The following WLS variants were observed in gnomAD, a reference collection of about 807,000 sequenced individuals.
WLS encodes the protein protein wntless homolog.
Under a neutral mutation model 62.8 loss-of-function variants are expected in WLS, and 23 were observed. The ratio of observed to expected loss-of-function variants is 0.37; its 90% CI spans 0.26 to 0.52. The LOEUF (loss-of-function observed/expected upper bound fraction) is 0.52, where lower values mean the gene tolerates loss of function less well. WLS is among the 20% of genes least tolerant of loss of function. The probability of loss-of-function intolerance (pLI) is 0.92; values close to 1 mark genes in which losing one functional copy is unlikely to be tolerated. For missense variants in WLS, 615 were observed against 697.3 expected (o/e 0.88, Z 1.33); for synonymous variants, 246 against 244.1 (o/e 1.01, Z -0.07).
chr1:68,160,071 CTTTT>C (rs58448910), intron 2 of WLS, among the ~76,000 whole-genome samples: 55 of 93,570 alleles, frequency 5.9e-4, no homozygotes, highest in African/African-American at 1.9e-3. Context: ...GCAGAGAAGT[CTTTT>C]TTTTTTTTTT....
chr1:68,159,132 T>C lies in WLS; in HGVS notation c.495A>G (p.Thr165=), dbSNP rs757881798. ...CAGCAAGGGGTCATACCTTGGGAGATGTGAAGGTGCATTTGAGTTTCCGTG... is the reference window on the plus strand; with the variant it reads ...CAGCAAGGGGTCATACCTTGGGAGACGTGAAGGTGCATTTGAGTTTCCGTG... The part of the protein sequence containing the change: ...RVPRKLKCTF[T]SPKTPEHEGR... The change falls in exon 3 of 12, where the codon ACA becomes ACG. Residue 165 remains threonine (T), a synonymous_variant. Transcript: ENST00000262348. The C allele has an allele frequency of 2.3e-5, 37 of 1,614,088 alleles. No homozygotes were observed. The Middle Eastern group carries it at 6.6e-4, about 29-fold the overall frequency.
intron 2 of WLS, chr1:68,162,593 G>T: frequency 7.0e-7 from 1 of 1,435,188 alleles, no homozygotes; most frequent in Non-Finnish European, 9.8e-7. Context: ...TCGCGGTTCT[G>T]CTCCATGCTC....
intron 2 of WLS, among the ~76,000 whole-genome samples, chr1:68,179,452 G>T (rs1464947620): frequency 6.6e-6 from 1 of 152,108 alleles, no homozygotes; most frequent in Non-Finnish European, 1.5e-5. Context: ...TGGGAGACTG[G>T]CAAATCATGT....
intron 11 of WLS, among the ~76,000 whole-genome samples, chr1:68,128,157 GCACATC>G (rs1646463721): frequency 6.6e-6 from 1 of 152,136 alleles, no homozygotes; most frequent in Admixed American, 6.5e-5. Context: ...CCAGCCTCCA[GCACATC>G]CACATTCATC....
chr1:68,161,777 G>A (rs1570920718), intron 2 of WLS: 2 of 1,601,186 alleles, frequency 1.2e-6, no homozygotes. Context: ...GAGTGCTCTC[G>A]ATTGTCCCCG....
intron 1 of WLS, among the ~76,000 whole-genome samples, chr1:68,225,493 G>A (rs1650106397): frequency 6.6e-6 from 1 of 152,120 alleles, no homozygotes; most frequent in African/African-American, 2.4e-5. Context: ...ATCATTTCGT[G>A]TCTTGATGCT....
At position 68,144,644 on chromosome 1, in the gene WLS, A is replaced by T. The variant is rs767910037; in HGVS notation, c.1287T>A (p.Ile429=). 6.2e-7 allele frequency: 1 copy of T among 1,613,442 alleles called. No individual in the cohort carries two copies. Among genetic ancestry groups the T allele is most frequent in the Non-Finnish European group, 8.5e-7 (1 of 1,179,534 alleles). ...KVRRLHYEGL[I]FRFKFLMLIT... ...TAAGCATGAGGAACTTGAACCTAAA[A>T]ATTAGCCCCTATTAGAAAAGAAAGA... Residue 429 remains isoleucine, a synonymous_variant, in exon 10 of 12, where the codon ATT becomes ATA. Coordinates refer to ENST00000262348, the MANE Select transcript of WLS (RefSeq NM_024911.7).
intron 2 of WLS, chr1:68,186,524 C>G (rs997380933): frequency 2.6e-5 from 11 of 428,270 alleles, no homozygotes; most frequent in African/African-American, 1.9e-4. Context: ...ATGGATTGGT[C>G]TTGACTTTTC....
intron 1 of WLS, chr1:68,231,735 C>G: frequency 2.2e-6 from 1 of 463,944 alleles, no homozygotes; most frequent in Middle Eastern, 3.2e-4. Flanking sequence ...AACAGAGCTC[C>G]GGGTTTGCGC....
chr1:68,161,613 A>C, intron 2 of WLS: 2 of 670,826 alleles, frequency 3.0e-6, no homozygotes, highest in South Asian at 4.0e-5. Flanking sequence ...TAGCTCTTGT[A>C]GTTTTAACAC....
chr1:68,109,528 G>T (rs76302633), intron 11 of WLS, among the ~76,000 whole-genome samples: 2,072 of 152,242 alleles, frequency 0.014, 27 homozygotes, highest in Non-Finnish European at 0.022. Flanking sequence ...TGAAGTCACA[G>T]AAATAGGCAT....
intron 11 of WLS, among the ~76,000 whole-genome samples, chr1:68,133,617 T>A (rs1646563129): frequency 6.6e-6 from 1 of 152,220 alleles, no homozygotes; most frequent in Admixed American, 6.5e-5. Flanking sequence ...TTCTGATCCA[T>A]ACTATGAAAG....
At chr1:68,121,088 A>G (rs1646359010), downstream of WLS, 1 of 152,188 alleles carries the variant, frequency 6.6e-6, no homozygotes, top group African/African-American at 2.4e-5. Context: ...AAAAGTAAGA[A>G]GTGAGTATTT....
Position 68,145,926 on chromosome 1 carries a change from G to A in WLS, c.1221C>T (p.Ile407=). The part of the protein sequence containing the change: ...CFMVFQVFRN[I]SGKQSSLPAM... Reference sequence around the variant, plus strand: ...CTGGCAGGCTGGACTGCTTCCCACTGATGTTCCGAAACACCTGAAATACCA... The same window carrying A: ...CTGGCAGGCTGGACTGCTTCCCACTAATGTTCCGAAACACCTGAAATACCA... Residue 407 remains isoleucine (I), a synonymous_variant, in exon 9 of 12, where the codon ATC becomes ATT. Transcript: ENST00000262348. 6.2e-7 allele frequency: 1 copy of A among 1,614,140 alleles called. No individual in the cohort carries two copies. Among genetic ancestry groups the A allele is most frequent in the Non-Finnish European group, 8.5e-7 (1 of 1,180,038 alleles).
chr1:68,152,005 C>G (rs150269317), intron 5 of WLS, among the ~76,000 whole-genome samples: 1 of 152,200 alleles, frequency 6.6e-6, no homozygotes, highest in African/African-American at 2.4e-5. Flanking sequence ...AGGGTGGCAG[C>G]AGTGGAATTG....
At chr1:68,220,632 G>C in intron 1 of WLS, among the ~76,000 whole-genome samples, 1 of 152,214 alleles carries the variant, frequency 6.6e-6, no homozygotes, top group East Asian at 1.9e-4. Context: ...GAGAGATCAA[G>C]TTTCTCAAGG....
intron 1 of WLS, among the ~76,000 whole-genome samples, chr1:68,228,889 T>G (rs1391060392): frequency 1.8e-5 from 2 of 109,020 alleles, no homozygotes; most frequent in Admixed American, 1.0e-4. Flanking sequence ...AAAAATGTGT[T>G]TTTTTTTGTT....
At chr1:68,211,622 A>G (rs2772288) in intron 1 of WLS, among the ~76,000 whole-genome samples, 152,316 of 152,354 alleles carry the variant, frequency 1, 76,139 homozygotes, top group Middle Eastern at 1. Context: ...TGGATTTTCC[A>G]TTCAGTGATT....
intron 2 of WLS, among the ~76,000 whole-genome samples, chr1:68,193,647 G>A (rs1033362156): frequency 5.1e-4 from 78 of 152,198 alleles, no homozygotes; most frequent in African/African-American, 1.8e-3. Flanking sequence ...GTGAAGCTTG[G>A]TGGTTAGGGC....
Sources: allele counts gnomAD v4.1 joint callset (sites outside exome capture counted in the v4.1 genomes callset), GRCh38; gene constraint gnomAD v4.1.1; transcripts MANE v1.5; gene names NCBI Gene and HGNC (gene_info 2026-07-23, HGNC 2026-07-21).